Variants in EYS observed in about 807,000 individuals in gnomAD.
EYS encodes protein eyes shut homolog.
EYS carries 250 observed loss-of-function variants against 282.1 expected under a neutral mutation model. The ratio of observed to expected loss-of-function variants is 0.89; its 90% CI spans 0.80 to 0.98. The LOEUF is 0.98. Among genes scored for constraint, EYS ranks in the 50% least tolerant of loss-of-function variants. The pLI, the probability that EYS is intolerant of heterozygous loss-of-function variation, is 0.00. For synonymous variants in EYS, 1,355 were observed against 1,282.9 expected (o/e 1.06, Z -1.20); for missense variants, 4,016 against 3,709.0 (o/e 1.08, Z -2.15).
intron 35 of EYS, among the ~76,000 whole-genome samples, chr6:63,931,855 A>C (rs2149751655): frequency 6.6e-6 from 1 of 152,350 alleles, no homozygotes; most frequent in Admixed American, 6.5e-5. Flanking sequence ...ACAGTGTTAT[A>C]GAATGCTAGA....
chr6:64,079,929 T>C (rs1156720292), intron 32 of EYS, among the ~76,000 whole-genome samples: 2 of 152,220 alleles, frequency 1.3e-5, no homozygotes, highest in Admixed American at 6.5e-5. Flanking sequence ...TAGTGTTCCA[T>C]GGTTTATATG....
At chr6:64,514,007 G>A (rs1381855156) in intron 26 of EYS, among the ~76,000 whole-genome samples, 1 of 151,616 alleles carries the variant, frequency 6.6e-6, no homozygotes, top group Non-Finnish European at 1.5e-5. Context: ...GTCAAGGAGG[G>A]GGTCAATAAT....
intron 24 of EYS, among the ~76,000 whole-genome samples, chr6:64,602,067 G>A (rs659934): frequency 0.76 from 116,082 of 151,934 alleles, 45,232 homozygotes; most frequent in African/African-American, 0.93. Flanking sequence ...TTCTATCACA[G>A]TAACTTTTTC....
At chr6:64,644,352 G>A (rs1279326955) in intron 22 of EYS, among the ~76,000 whole-genome samples, 2 of 152,014 alleles carry the variant, frequency 1.3e-5, no homozygotes, top group Non-Finnish European at 2.9e-5. Flanking sequence ...GTATTAAAAT[G>A]GCATTTTTGT....
intron 12 of EYS, among the ~76,000 whole-genome samples, chr6:65,123,029 C>A: frequency 6.6e-6 from 1 of 152,018 alleles, no homozygotes; most frequent in East Asian, 1.9e-4. Flanking sequence ...TGAGTACTTG[C>A]AGCTATGCTA....
At chr6:64,899,785 T>C (rs1767594312) in intron 18 of EYS, among the ~76,000 whole-genome samples, 2 of 152,192 alleles carry the variant, frequency 1.3e-5, no homozygotes, top group East Asian at 1.9e-4. Flanking sequence ...ATCAATATTG[T>C]GAAAATGGCC....
chr6:64,620,382 T>A (rs1767407242), intron 23 of EYS, among the ~76,000 whole-genome samples: 1 of 152,110 alleles, frequency 6.6e-6, no homozygotes, highest in Non-Finnish European at 1.5e-5. Context: ...TCCATGACTT[T>A]TTTTTACCAG....
intron 29 of EYS, among the ~76,000 whole-genome samples, chr6:64,313,892 G>A (rs567620247): frequency 3.3e-5 from 5 of 152,076 alleles, no homozygotes; most frequent in African/African-American, 9.6e-5. Context: ...AGGAACAACC[G>A]GTACCAGCCA....
chr6:65,166,029 C>A (rs925702845), intron 12 of EYS, among the ~76,000 whole-genome samples: 8 of 151,040 alleles, frequency 5.3e-5, no homozygotes, highest in Non-Finnish European at 1.0e-4. Flanking sequence ...TAAATATAAT[C>A]AAAAGTAATA....
At chr6:64,685,751 T>C (rs1454168234) in intron 22 of EYS, among the ~76,000 whole-genome samples, 1 of 152,186 alleles carries the variant, frequency 6.6e-6, no homozygotes, top group Non-Finnish European at 1.5e-5. Context: ...CAAATTTACT[T>C]GTAAGAGACC....
chr6:65,485,096 A>C (rs775692541), intron 5 of EYS, among the ~76,000 whole-genome samples: 25 of 152,248 alleles, frequency 1.6e-4, no homozygotes, highest in Non-Finnish European at 2.5e-4. Context: ...TCTACAATAA[A>C]TACTTACTTT....
chr6:64,038,944 A>G (rs1374428235), intron 33 of EYS, among the ~76,000 whole-genome samples: 1 of 152,138 alleles, frequency 6.6e-6, no homozygotes, highest in African/African-American at 2.4e-5. Context: ...AGCTAGAACC[A>G]CAGGTCCCTA....
In EYS at chr6:64,433,745, A is replaced by G. The variant is rs1041399237; in HGVS notation, c.5927+2429T>C. Among the ~76,000 whole-genome samples, 4 of 152,024 alleles carry G rather than the reference A, an allele frequency of 2.6e-5. No individual in the cohort carries two copies. The Admixed American group carries it at 2.6e-4, about 10-fold the overall frequency. ...ATAGTGAAAAATATGTATTCTTGGG[A>G]TTTAAAAAATCTTAAACATCTAATG... On this transcript the variant is annotated intron_variant, in intron 28 of 42. Transcript: ENST00000503581.
chr6:64,391,597 G>T (rs374553947), intron 28 of EYS, among the ~76,000 whole-genome samples: 1 of 152,000 alleles, frequency 6.6e-6, no homozygotes, highest in African/African-American at 2.4e-5. Context: ...TCACCACCAG[G>T]CCTGCCCTAA....
chr6:64,434,084 T>C (rs1274091973), intron 28 of EYS, among the ~76,000 whole-genome samples: 1 of 152,056 alleles, frequency 6.6e-6, no homozygotes, highest in Admixed American at 6.6e-5. Context: ...GAGGTCATTA[T>C]GGTAGGCTTT....
At chr6:64,774,619 G>C (rs1773623586) in intron 22 of EYS, among the ~76,000 whole-genome samples, 2 of 151,862 alleles carry the variant, frequency 1.3e-5, no homozygotes, top group Non-Finnish European at 2.9e-5. Context: ...TTGAACCTCA[G>C]TCTGTTATGT....
Position 64,604,329 on chromosome 6 carries a change from C to G in EYS, c.3685-11020G>C, listed in dbSNP as rs115247751. Reference sequence around the variant, plus strand: ...CTTTTCAAAACATTTTCAAGTATGTCAGTCAATTAATTGTTAATTCAAATC... The same window carrying G: ...CTTTTCAAAACATTTTCAAGTATGTGAGTCAATTAATTGTTAATTCAAATC... On this transcript the variant is annotated intron_variant, in intron 24 of 42. Coordinates refer to ENST00000503581, the MANE Select transcript of EYS (RefSeq NM_001142800.2). Among the ~76,000 whole-genome samples, 693 of 152,066 alleles carry G rather than the reference C, an allele frequency of 4.6e-3. 3 individuals carry two copies. The highest frequency in any genetic ancestry group is 0.016 in the African/African-American group (657 of 41,528).
At chr6:64,060,501 A>G (rs1291403190) in intron 33 of EYS, among the ~76,000 whole-genome samples, 2 of 152,178 alleles carry the variant, frequency 1.3e-5, no homozygotes, top group Admixed American at 6.6e-5. Flanking sequence ...TAAATTACTT[A>G]CTAATATCTT....
chr6:64,449,511 C>T (rs1399984994), intron 26 of EYS, among the ~76,000 whole-genome samples: 1 of 151,868 alleles, frequency 6.6e-6, no homozygotes, highest in African/African-American at 2.4e-5. Context: ...GAGAATGCCA[C>T]AAAGATACTC....
Sources: gnomAD v4.1 joint callset for allele counts (sites outside exome capture counted in the v4.1 genomes callset) on GRCh38, gnomAD v4.1.1 for gene constraint, MANE v1.5 for transcripts, NCBI Gene and HGNC (gene_info 2026-07-23, HGNC 2026-07-21) for gene names.